SGCZ: variants seen among roughly 807,000 people sequenced by gnomAD.
The protein encoded by SGCZ is zeta-sarcoglycan.
SGCZ carries 40 observed loss-of-function variants against 41.3 expected under a neutral mutation model. The observed-to-expected ratio is 0.97, with a 90% CI of 0.75 to 1.26. SGCZ has a LOEUF of 1.26. Among genes scored for constraint, SGCZ ranks in the 50% most tolerant of loss-of-function variants. The pLI is 0.00. For missense variants in SGCZ, 552 were observed against 369.8 expected (o/e 1.49, Z -4.04); for synonymous variants, 206 against 137.5 (o/e 1.50, Z -3.49).
Position 14,443,156 on chromosome 8 carries a change from A to C in SGCZ, c.234+111576T>G, listed in dbSNP as rs536613302. 6.2e-4 allele frequency among the ~76,000 whole-genome samples: 95 copies of C among 152,336 alleles called. 1 individual carries two copies. Among genetic ancestry groups the C allele is most frequent in the African/African-American group, 2.3e-3 (94 of 41,582 alleles). ...CCACAAACCACTGCTCAAGGAAATA[A>C]AAGACGATAGAAACAAATGGAAGAA... On this transcript the variant is annotated intron_variant, in intron 2 of 7. Coordinates refer to ENST00000382080, the MANE Select transcript of SGCZ (RefSeq NM_139167.4).
chr8:15,012,104 C>T (rs893478683), intron 1 of SGCZ, among the ~76,000 whole-genome samples: 2 of 151,998 alleles, frequency 1.3e-5, no homozygotes, highest in Non-Finnish European at 2.9e-5. Context: ...ATGAATTGAA[C>T]AATATTTTCT....
At chr8:14,778,285 A>C (rs1800475708) in intron 1 of SGCZ, among the ~76,000 whole-genome samples, 1 of 152,178 alleles carries the variant, frequency 6.6e-6, no homozygotes. Context: ...ATTAAGGTGA[A>C]AAACTGTCAC....
intron 1 of SGCZ, among the ~76,000 whole-genome samples, chr8:14,941,518 C>G (rs541302558): frequency 6.6e-6 from 1 of 152,060 alleles, no homozygotes; most frequent in Non-Finnish European, 1.5e-5. Context: ...ATAACAGCCT[C>G]TTAATCCCCT....
At chr8:14,367,151 C>T (rs150907938) in intron 2 of SGCZ, among the ~76,000 whole-genome samples, 37 of 152,154 alleles carry the variant, frequency 2.4e-4, no homozygotes, top group Middle Eastern at 3.4e-3. Flanking sequence ...CACAGATCTT[C>T]GGGACAGGGG....
intron 1 of SGCZ, among the ~76,000 whole-genome samples, chr8:14,618,113 G>C (rs1806165161): frequency 6.6e-6 from 1 of 152,002 alleles, no homozygotes; most frequent in Non-Finnish European, 1.5e-5. Flanking sequence ...GCAAAACTAT[G>C]TGCCATGCAC....
At chr8:14,230,958 G>C (rs1806544865) in intron 4 of SGCZ, among the ~76,000 whole-genome samples, 1 of 151,854 alleles carries the variant, frequency 6.6e-6, no homozygotes. Context: ...ACATTACTGA[G>C]ATTTTATTTC....
intron 5 of SGCZ, among the ~76,000 whole-genome samples, chr8:14,137,418 GC>G (rs1237831198): frequency 6.6e-6 from 1 of 152,112 alleles, no homozygotes; most frequent in Non-Finnish European, 1.5e-5. Context: ...TCACAAAGAA[GC>G]TAAAAACCTT....
At chr8:14,796,911 G>C (rs1801151996) in intron 1 of SGCZ, among the ~76,000 whole-genome samples, 3 of 152,156 alleles carry the variant, frequency 2.0e-5, no homozygotes, top group South Asian at 2.1e-4. Context: ...TCAGCTATCA[G>C]TCTCTTTCCT....
At chr8:14,392,948 T>G (rs1455440763) in intron 2 of SGCZ, among the ~76,000 whole-genome samples, 1 of 152,164 alleles carries the variant, frequency 6.6e-6, no homozygotes, top group Non-Finnish European at 1.5e-5. Flanking sequence ...AGCTTACTTT[T>G]TATTACACTT....
chr8:14,589,697 G>T (rs1404356204), intron 1 of SGCZ, among the ~76,000 whole-genome samples: 1 of 152,014 alleles, frequency 6.6e-6, no homozygotes, highest in Non-Finnish European at 1.5e-5. Flanking sequence ...TCCTTCAGTG[G>T]ACTACAACCC....
At chr8:14,342,938 G>A (rs918769881) in intron 2 of SGCZ, among the ~76,000 whole-genome samples, 1 of 152,246 alleles carries the variant, frequency 6.6e-6, no homozygotes, top group East Asian at 1.9e-4. Flanking sequence ...TGGGCCCAGG[G>A]TCCCTGGGCT....
chr8:14,138,039 G>C (rs548787173), intron 5 of SGCZ, among the ~76,000 whole-genome samples: 54 of 152,300 alleles, frequency 3.5e-4, no homozygotes, highest in African/African-American at 1.3e-3. Flanking sequence ...CATTCTTAAA[G>C]AAAAGAATTT....
At chr8:14,617,843 T>G (rs1806155168) in intron 1 of SGCZ, among the ~76,000 whole-genome samples, 1 of 57,518 alleles carries the variant, frequency 1.7e-5, no homozygotes, top group African/African-American at 5.4e-5. Flanking sequence ...TAATTTTTTG[T>G]GTGTTTATGT....
chr8:15,051,372 T>C (rs756158782), intron 1 of SGCZ, among the ~76,000 whole-genome samples: 1 of 152,220 alleles, frequency 6.6e-6, no homozygotes, highest in Non-Finnish European at 1.5e-5. Flanking sequence ...TAAATTGTTG[T>C]ATAGAATGAA....
intron 1 of SGCZ, among the ~76,000 whole-genome samples, chr8:14,859,573 T>C (rs961331806): frequency 1.3e-5 from 2 of 152,114 alleles, no homozygotes; most frequent in African/African-American, 2.4e-5. Context: ...CTTCCTTCTA[T>C]TACAATAATG....
In SGCZ at chr8:14,161,336, A is replaced by G. The variant is rs577040594; in HGVS notation, c.547+3244T>C. The G allele has an allele frequency of 2.0e-5, 3 of 152,284 alleles. No individual in the cohort carries two copies. The East Asian group carries it at 5.8e-4, about 29-fold the overall frequency. The allele number at this position is 152,284 out of a possible 1,614,324, so 9.4% of individuals were successfully genotyped here. On this transcript the variant is annotated intron_variant, in intron 5 of 7. Coordinates refer to ENST00000382080, the MANE Select transcript of SGCZ (RefSeq NM_139167.4). The stretch of plus-strand genomic sequence containing the variant: ...AAAGCATGAAGCTGTTATAAAGTTA[A>G]TATCTGCTATTCTGGTAAGGAGTAA...
At chr8:14,650,062 A>T (rs1020561200) in intron 1 of SGCZ, among the ~76,000 whole-genome samples, 27 of 152,096 alleles carry the variant, frequency 1.8e-4, no homozygotes, top group African/African-American at 6.3e-4. Context: ...AAACCTCCAA[A>T]AGGTACAATA....
chr8:15,222,697 T>A, intron 1 of SGCZ, among the ~76,000 whole-genome samples: 1 of 152,130 alleles, frequency 6.6e-6, no homozygotes. Context: ...GTCAAGGTCT[T>A]AGAAGTCATG....
intron 4 of SGCZ, among the ~76,000 whole-genome samples, chr8:14,208,146 T>A (rs1008482831): frequency 6.6e-6 from 1 of 152,222 alleles, no homozygotes; most frequent in South Asian, 2.1e-4. Context: ...AAACCCTTTA[T>A]TGAACCCCAT....
Sources: gnomAD v4.1 joint callset for allele counts (sites outside exome capture counted in the v4.1 genomes callset) on GRCh38, gnomAD v4.1.1 for gene constraint, MANE v1.5 for transcripts, NCBI Gene and HGNC (gene_info 2026-07-23, HGNC 2026-07-21) for gene names.